Variants in RPS6KA5 observed in about 807,000 individuals in gnomAD.
The protein encoded by RPS6KA5 is ribosomal protein S6 kinase alpha-5.
In RPS6KA5, 27 loss-of-function variants were observed where a neutral mutation model predicts 85.5. The observed-to-expected ratio is 0.32, with a 90% CI of 0.23 to 0.44. The LOEUF is 0.44. Among genes scored for constraint, RPS6KA5 ranks in the 20% least tolerant of loss-of-function variants. RPS6KA5 has a pLI of 1.00. For synonymous variants in RPS6KA5, 334 were observed against 348.2 expected (o/e 0.96, Z 0.46); for missense variants, 811 against 980.9 (o/e 0.83, Z 2.31).
chr14:90,920,183 T>C (rs962185396), intron 7 of RPS6KA5, 23 bp downstream of exon 7: 5 of 1,380,848 alleles, frequency 3.6e-6, no homozygotes, highest in Admixed American at 3.4e-5. Flanking sequence ...ACAATGCATT[T>C]ATTTTATTTT....
chr14:91,034,925 GA>G (rs200013477), intron 1 of RPS6KA5, among the ~76,000 whole-genome samples: 41 of 145,182 alleles, frequency 2.8e-4, no homozygotes, highest in Admixed American at 2.1e-3. Flanking sequence ...CCACAAAAAA[GA>G]AAAAAAAAAC....
At chr14:90,896,614 T>G (rs1463459509) in intron 12 of RPS6KA5, among the ~76,000 whole-genome samples, 2 of 152,170 alleles carry the variant, frequency 1.3e-5, no homozygotes, top group Admixed American at 6.5e-5. Flanking sequence ...CATGGAAGGC[T>G]CACAGCCAAG....
rs967880255 is a variant in RPS6KA5 at position 90,869,839 on chromosome 14, AG to A, written c.*2234del. On this transcript the variant is annotated 3_prime_UTR_variant, in exon 17 of 17. Coordinates refer to ENST00000614987, the MANE Select transcript of RPS6KA5 (RefSeq NM_004755.4). ...AGGGTGTAGATAAAGATATTTGACA[AG>A]AGTGCAACAGTGTTTGTTAAGGTCT... The A allele has an allele frequency of 6.6e-6, 1 of 151,948 alleles. No individual in the cohort carries two copies. Among genetic ancestry groups the A allele is most frequent in the African/African-American group, 2.4e-5 (1 of 41,356 alleles). 9.4% of individuals were successfully genotyped at this position (151,948 alleles called of 1,614,324 possible). A position where few individuals can be genotyped will look rare whatever the true frequency, so the allele number is the denominator to read the frequency against.
At chr14:90,969,865 T>C (rs1341080371) in intron 3 of RPS6KA5, among the ~76,000 whole-genome samples, 1 of 152,060 alleles carries the variant, frequency 6.6e-6, no homozygotes, top group Non-Finnish European at 1.5e-5. Flanking sequence ...TTTTTTTCTC[T>C]CTCTCTCTGC....
intron 8 of RPS6KA5, among the ~76,000 whole-genome samples, chr14:90,905,872 G>C (rs545300930): frequency 6.6e-6 from 1 of 152,130 alleles, no homozygotes; most frequent in South Asian, 2.1e-4. Flanking sequence ...AAACTCTAAT[G>C]AATCAGTATG....
rs540919473 is a variant in RPS6KA5 at position 91,028,194 on chromosome 14, A to G, written c.104-27035T>C. ...GCTATTGCCAACTTTAAATTATGAA[A>G]GATGACTGTATCCATAACACCCTTA... On this transcript the variant is annotated intron_variant, in intron 1 of 16. Coordinates refer to ENST00000614987, the MANE Select transcript of RPS6KA5 (RefSeq NM_004755.4). 1.2e-4 allele frequency among the ~76,000 whole-genome samples: 18 copies of G among 152,324 alleles called. No homozygotes were observed. In the South Asian group the frequency reaches 3.5e-3, roughly 30 times the overall value.
At position 90,947,425 on chromosome 14, in the gene RPS6KA5, A is replaced by C; in HGVS notation, c.510+10T>G. 23 of 1,465,252 alleles carry C rather than the reference A, an allele frequency of 1.6e-5. No individual in the cohort carries two copies. Among genetic ancestry groups the C allele is most frequent in the Non-Finnish European group, 2.2e-5 (23 of 1,054,668 alleles). 90.8% of individuals were successfully genotyped at this position (1,465,252 alleles called of 1,614,324 possible). On this transcript the variant is annotated intron_variant, in intron 4 of 16. Transcript: ENST00000614987. ...TTCAGAAAAGAAACCTGAAAAATGA[A>C]GAGTCTTACCTTGTGGAGATGTTCG...
At chr14:90,914,658 T>C (rs1268424304) in intron 7 of RPS6KA5, among the ~76,000 whole-genome samples, 1 of 152,140 alleles carries the variant, frequency 6.6e-6, no homozygotes, top group Non-Finnish European at 1.5e-5. Context: ...TCCACCCCGC[T>C]AGGGAGTGCC....
intron 1 of RPS6KA5, chr14:91,052,264 A>C: frequency 2.9e-6 from 1 of 344,012 alleles, no homozygotes; most frequent in South Asian, 2.2e-5. Flanking sequence ...CCTGGCCAAC[A>C]TGGCAAAACC....
At chr14:91,040,896 T>C (rs1258730290) in intron 1 of RPS6KA5, among the ~76,000 whole-genome samples, 1 of 152,144 alleles carries the variant, frequency 6.6e-6, no homozygotes, top group Non-Finnish European at 1.5e-5. Context: ...ATTAGTAACT[T>C]TAGTGAAAGC....
chr14:90,972,186 T>C (rs554619019), intron 3 of RPS6KA5, among the ~76,000 whole-genome samples: 1 of 152,326 alleles, frequency 6.6e-6, no homozygotes, highest in South Asian at 2.1e-4. Flanking sequence ...CCTAAATTAA[T>C]TTTTTAATTT....
At position 90,935,917 on chromosome 14, in the gene RPS6KA5, AAC is replaced by A. The variant is rs1283171439; in HGVS notation, c.618+7159_618+7160del. Among the ~76,000 whole-genome samples the A allele has an allele frequency of 2.6e-5, 4 of 152,366 alleles. No homozygotes were observed. The East Asian group carries it at 7.7e-4, about 29-fold the overall frequency. On this transcript the variant is annotated intron_variant, in intron 5 of 16. Coordinates refer to ENST00000614987, the MANE Select transcript of RPS6KA5 (RefSeq NM_004755.4). ...TTGACATTATTTGCTTATAAATATG[AAC>A]AGACACAATTTTGAAGCTATCATCA...
chr14:90,971,181 G>A (rs1291193725), intron 3 of RPS6KA5, among the ~76,000 whole-genome samples: 1 of 152,104 alleles, frequency 6.6e-6, no homozygotes, highest in African/African-American at 2.4e-5. Flanking sequence ...GCCAGGTGAG[G>A]TGGCACATGC....
At position 90,853,566 on chromosome 14, in the gene RPS6KA5, C is replaced by T. The variant is rs1380684738; in HGVS notation, c.*18508G>A. On this transcript the variant is annotated 3_prime_UTR_variant, in exon 17 of 17. Transcript: ENST00000614987. ...TTAGGTTGGGCACAGTGGCTCACGC[C>T]TGTAATCCCAGCACTTTGGGAGGCC... The T allele has an allele frequency of 6.6e-6, 1 of 150,900 alleles. No individual in the cohort carries two copies. Among genetic ancestry groups the T allele is most frequent in the East Asian group, 2.0e-4 (1 of 5,102 alleles). The allele number at this position is 150,900 out of a possible 1,614,324, so 9.3% of individuals were successfully genotyped here. A position where few individuals can be genotyped will look rare whatever the true frequency, so the allele number is the denominator to read the frequency against.
intron 1 of RPS6KA5, among the ~76,000 whole-genome samples, chr14:91,011,170 A>G (rs1464486458): frequency 6.6e-6 from 1 of 152,180 alleles, no homozygotes. Context: ...AATGGACAAC[A>G]AAAGATAGAC....
At chr14:91,022,901 A>G (rs1816176130) in intron 1 of RPS6KA5, among the ~76,000 whole-genome samples, 1 of 152,100 alleles carries the variant, frequency 6.6e-6, no homozygotes, top group Admixed American at 6.6e-5. Context: ...CTTAGCCAGC[A>G]TGGTGAAACC....
At chr14:90,971,110 A>G (rs2039299050) in intron 3 of RPS6KA5, among the ~76,000 whole-genome samples, 5 of 152,144 alleles carry the variant, frequency 3.3e-5, no homozygotes, top group Admixed American at 3.3e-4. Flanking sequence ...CGATGCCAGG[A>G]GTTCAAGACC....
chr14:91,025,061 G>C (rs188644401), intron 1 of RPS6KA5, among the ~76,000 whole-genome samples: 1 of 149,846 alleles, frequency 6.7e-6, no homozygotes, highest in Admixed American at 6.6e-5. Context: ...TTTTTTTTAG[G>C]GGGGATGGAG....
intron 3 of RPS6KA5, among the ~76,000 whole-genome samples, chr14:90,972,760 A>T (rs781483184): frequency 6.6e-6 from 1 of 152,244 alleles, no homozygotes; most frequent in African/African-American, 2.4e-5. Context: ...TTTACTATAC[A>T]TAAATTTTTG....
Sources: allele counts gnomAD v4.1 joint callset (sites outside exome capture counted in the v4.1 genomes callset), GRCh38; gene constraint gnomAD v4.1.1; transcripts MANE v1.5; gene names NCBI Gene and HGNC (gene_info 2026-07-23, HGNC 2026-07-21).